The following CACNA1H variants were observed in gnomAD, a reference collection of about 807,000 sequenced individuals.
The protein encoded by CACNA1H is voltage-dependent T-type calcium channel subunit alpha-1H.
Under a neutral mutation model 192.5 loss-of-function variants are expected in CACNA1H, and 149 were observed. The ratio of observed to expected loss-of-function variants is 0.77; its 90% confidence interval spans 0.68 to 0.89. CACNA1H has a LOEUF of 0.89. CACNA1H is among the 40% of genes least tolerant of loss of function. The pLI, the probability that CACNA1H is intolerant of heterozygous loss-of-function variation, is 0.00. For synonymous variants in CACNA1H, 2,202 were observed against 1,475.2 expected, an observed-to-expected ratio of 1.49 and a Z score of -11.29; for missense variants, 4,257 against 3,423.5, an observed-to-expected ratio of 1.24 and a Z score of -6.08.
intron 32 of CACNA1H, 36 bp from the exon 33 acceptor site, chr16:1,218,174 G>T (rs759457423): frequency 1.3e-6 from 2 of 1,540,150 alleles, no homozygotes; most frequent in South Asian, 1.2e-5. Context: ...CCGCGGGTGG[G>T]TGTGGACCCC....
intron 2 of CACNA1H, among the ~76,000 whole-genome samples, chr16:1,163,493 G>A (rs566202132): frequency 2.6e-5 from 4 of 152,348 alleles, no homozygotes; most frequent in Non-Finnish European, 5.9e-5. Flanking sequence ...GGGGAAACCC[G>A]TGTCCAGATG....
At position 1,218,611 on chromosome 16, in the gene CACNA1H, G is replaced by T. The variant is rs1356995259; in HGVS notation, c.5847G>T (p.Gln1949His). 1 of 1,564,686 alleles carries T rather than the reference G, an allele frequency of 6.4e-7. No homozygotes were observed. The highest frequency in any genetic ancestry group is 8.7e-7 in the Non-Finnish European group (1 of 1,154,718). Residue 1949 changes from glutamine to histidine, a missense_variant, in exon 33 of 35, where the codon CAG becomes CAT. Physicochemically the swap from Gln to His is conservative, Grantham distance 24 (BLOSUM62 0). Transcript: ENST00000348261. Reference sequence around the variant, plus strand: ...CGGCGCCCCACCCCCGCCCGCTGCAGGAGGTGGAGATGGAGACCTATGGGG... The same window carrying T: ...CGGCGCCCCACCCCCGCCCGCTGCATGAGGTGGAGATGGAGACCTATGGGG... ...PASAPHPRPL[Q>H]EVEMETYGAG...
In CACNA1H at chr16:1,217,382, C is replaced by T. The variant is rs371306595; in HGVS notation, c.5323+372C>T. Among the ~76,000 whole-genome samples the T allele has an allele frequency of 7.9e-5, 12 of 152,322 alleles. No individual in the cohort carries two copies. In the East Asian group the frequency reaches 1.5e-3, roughly 20 times the overall value. ...CCCAGGAGACAAATGTTGGCTGTCT[C>T]CCCTTACCTGGTGGCCGTAGCCTCC... On this transcript the variant is annotated intron_variant, in intron 31 of 34. Transcript: ENST00000348261.
At chr16:1,173,513 T>C (rs1964569597) in intron 2 of CACNA1H, among the ~76,000 whole-genome samples, 1 of 152,260 alleles carries the variant, frequency 6.6e-6, no homozygotes, top group Non-Finnish European at 1.5e-5. Context: ...AAAAATTGTT[T>C]ACTAACTTAA....
intron 2 of CACNA1H, among the ~76,000 whole-genome samples, chr16:1,184,097 C>T (rs2151769397): frequency 6.6e-6 from 1 of 152,318 alleles, no homozygotes; most frequent in East Asian, 1.9e-4. Context: ...GACACCAGCC[C>T]ATTGCACAGG....
At chr16:1,206,552 C>T in intron 12 of CACNA1H, 1 of 523,000 alleles carries the variant, frequency 1.9e-6, no homozygotes, top group Non-Finnish European at 3.4e-6. Flanking sequence ...TACTCAAGAG[C>T]AGAATACCGG....
chr16:1,183,854 C>A (rs1044327358), intron 2 of CACNA1H, among the ~76,000 whole-genome samples: 7 of 152,252 alleles, frequency 4.6e-5, no homozygotes, highest in African/African-American at 1.7e-4. Context: ...AGTCTGCAAA[C>A]ATCTGGCTCC....
chr16:1,221,057 G>A lies in CACNA1H; in HGVS notation c.*63G>A. ...GTCTGGGGGCCCCGCTGGGGTGGAG[G>A]CCCAGGCAGAACCCTGCATGGACCC... On this transcript the variant is annotated 3_prime_UTR_variant, in exon 35 of 35. Transcript: ENST00000348261. 3 of 1,300,934 alleles carry A rather than the reference G, an allele frequency of 2.3e-6. No individual in the cohort carries two copies. The highest frequency in any genetic ancestry group is 3.1e-6 in the Non-Finnish European group (3 of 958,198). 80.6% of individuals were successfully genotyped at this position (1,300,934 alleles called of 1,614,324 possible).
rs60645584 is a variant in CACNA1H at position 1,215,661 on chromosome 16, G to T, written c.5244+68G>T. ...ACGGGGTTGCAGGGAGCGCCTCGCC[G>T]TCCCCCTCTCCCCCTCACTCGTTTC... is the stretch of plus-strand genomic sequence containing the variant. On this transcript the variant is annotated intron_variant, in intron 30 of 34. Coordinates refer to ENST00000348261, the MANE Select transcript of CACNA1H (RefSeq NM_021098.3). 7.9e-5 allele frequency: 102 copies of T among 1,285,796 alleles called. No homozygotes were observed. In the African/African-American group the frequency reaches 1.4e-3, roughly 17 times the overall value. The allele number at this position is 1,285,796 out of a possible 1,614,324, so 79.6% of individuals were successfully genotyped here.
In CACNA1H at chr16:1,199,799, C is replaced by T. The variant is rs111831066; in HGVS notation, c.804-457C>T. On this transcript the variant is annotated intron_variant, in intron 6 of 34. Transcript: ENST00000348261. ...CCCTGGATCCTCTCAGCCCTCACCC[C>T]AGGGCTGCCTCCTTTCCCTCACCCC... 6.9e-3 allele frequency among the ~76,000 whole-genome samples: 1,044 copies of T among 151,808 alleles called. 11 individuals carry two copies. The highest frequency in any genetic ancestry group is 0.024 in the African/African-American group (996 of 41,350).
chr16:1,155,251 C>A (rs1448099518), intron 2 of CACNA1H, among the ~76,000 whole-genome samples: 1 of 152,226 alleles, frequency 6.6e-6, no homozygotes, highest in Non-Finnish European at 1.5e-5. Context: ...CGGCCCCGGC[C>A]AGAGGGCTGC....
chr16:1,194,824 C>T (rs1177797930), intron 2 of CACNA1H, 148 bp from the exon 3 acceptor site: 3 of 628,646 alleles, frequency 4.8e-6, no homozygotes, highest in African/African-American at 1.8e-5. Context: ...GAGGGGCGGC[C>T]GTCGGTCCCG....
chr16:1,195,475 T>C lies in CACNA1H; in HGVS notation c.455T>C (p.Val152Ala), dbSNP rs1966873706. ...FIFAFFAVEM[V>A]IKMVALGLFG... ...TTCGCCTTTTTTGCGGTGGAGATGG[T>C]CATCAAGATGGTGGCCTTGGGGCTG... The change falls in exon 4 of 35, where the codon GTC (valine) becomes GCC (alanine). Residue 152 changes from valine (V) to alanine (A), a missense_variant. Val to Ala is a moderately conservative substitution (Grantham distance 64, BLOSUM62 0). Transcript: ENST00000348261. 6 of 1,581,586 alleles carry C rather than the reference T, an allele frequency of 3.8e-6. No homozygotes were observed. In the South Asian group the frequency reaches 7.0e-5, roughly 18 times the overall value.
At position 1,219,459 on chromosome 16, in the gene CACNA1H, G is replaced by A. The variant is rs145863353; in HGVS notation, c.6048+329G>A. The stretch of plus-strand genomic sequence containing the variant: ...CAGACAGCAGTTTCCCAGGGCCCAC[G>A]GCGGGCAGATGGCAGTTTCTCAGGC... On this transcript the variant is annotated intron_variant, in intron 34 of 34. Transcript: ENST00000348261. 5.7e-3 allele frequency among the ~76,000 whole-genome samples: 864 copies of A among 152,074 alleles called. 12 individuals are homozygous for A. Among genetic ancestry groups the A allele is most frequent in the African/African-American group, 0.019 (805 of 41,492 alleles).
chr16:1,165,420 CTGGGTCACTCAAAT>C (rs1357202563), intron 2 of CACNA1H, among the ~76,000 whole-genome samples: 1 of 152,216 alleles, frequency 6.6e-6, no homozygotes, highest in African/African-American at 2.4e-5. Flanking sequence ...CCGTGGAAAT[CTGGGTCACTCAAAT>C]AAGGAGGATG....
chr16:1,218,790 AGGAG>A, intron 33 of CACNA1H, 139 bp downstream of exon 33: 1 of 1,133,070 alleles, frequency 8.8e-7, no homozygotes, highest in Non-Finnish European at 1.3e-6. Flanking sequence ...GGGGGCAGGC[AGGAG>A]GGAGGATGGA....
At chr16:1,154,746 A>C (rs781046182) in intron 2 of CACNA1H, among the ~76,000 whole-genome samples, 3 of 151,848 alleles carry the variant, frequency 2.0e-5, no homozygotes, top group Non-Finnish European at 4.4e-5. Context: ...AGCCTCTTCT[A>C]CTCTCGGCCA....
Position 1,172,747 on chromosome 16 carries a change from G to A in CACNA1H, c.299+18711G>A, listed in dbSNP as rs535015524. On this transcript the variant is annotated intron_variant, in intron 2 of 34. Transcript: ENST00000348261. ...GGTGAGCTGGGGCACCCTTCTCCCC[G>A]GGGCACCCAGGGGCGGAGTGGGCTG... is the stretch of plus-strand genomic sequence containing the variant. 3.2e-4 allele frequency among the ~76,000 whole-genome samples: 49 copies of A among 152,188 alleles called. No homozygotes were observed. The Middle Eastern group carries it at 0.01, about 32-fold the overall frequency.
chr16:1,181,334 C>T (rs1965443680), intron 2 of CACNA1H, among the ~76,000 whole-genome samples: 1 of 152,270 alleles, frequency 6.6e-6, no homozygotes. Context: ...CCAGCCTGAC[C>T]AGGTGGCCCT....
Sources: gnomAD v4.1 joint callset for allele counts (sites outside exome capture counted in the v4.1 genomes callset) on GRCh38, gnomAD v4.1.1 for gene constraint, MANE v1.5 for transcripts, NCBI Gene and HGNC (gene_info 2026-07-23, HGNC 2026-07-21) for gene names.